ASTN2: variants seen among roughly 807,000 people sequenced by gnomAD.
ASTN2 encodes the protein astrotactin-2.
A neutral mutation model predicts 139.8 loss-of-function variants in ASTN2; 54 were observed. The ratio of observed to expected loss-of-function variants is 0.39; its 90% CI spans 0.31 to 0.48. The LOEUF (loss-of-function observed/expected upper bound fraction) is 0.48. Ranked by LOEUF, ASTN2 falls within the 20% of genes least tolerant of loss-of-function variation. ASTN2 has a pLI of 0.95. For missense variants in ASTN2, 1,565 were observed against 1,725.1 expected (o/e 0.91, Z 1.64); for synonymous variants, 756 against 719.5 (o/e 1.05, Z -0.81).
At chr9:116,705,999 AGTTTATATGACT>A (rs1827980034) in intron 16 of ASTN2, among the ~76,000 whole-genome samples, 1 of 151,890 alleles carries the variant, frequency 6.6e-6, no homozygotes, top group Admixed American at 6.6e-5. Flanking sequence ...TTTCTGCCCT[AGTTTATATGACT>A]TACTGCCAAC....
At chr9:117,336,833 T>A (rs1452163038) in intron 1 of ASTN2, among the ~76,000 whole-genome samples, 1 of 152,084 alleles carries the variant, frequency 6.6e-6, no homozygotes, top group Non-Finnish European at 1.5e-5. Context: ...CCTCAAAAGG[T>A]CCAGCACTCT....
intron 19 of ASTN2, among the ~76,000 whole-genome samples, chr9:116,600,023 T>A (rs1226259392): frequency 4.6e-5 from 7 of 152,096 alleles, no homozygotes; most frequent in Non-Finnish European, 8.8e-5. Flanking sequence ...AATGAACTTC[T>A]ATATTAAAGA....
intron 19 of ASTN2, among the ~76,000 whole-genome samples, chr9:116,587,579 T>G (rs184680036): frequency 6.6e-6 from 1 of 152,120 alleles, no homozygotes; most frequent in Admixed American, 6.5e-5. Context: ...GATAATGATA[T>G]AAGCTTCCAG....
In ASTN2 at chr9:116,699,845, CT is replaced by C. The variant is rs1861085932; in HGVS notation, c.2806+25925del. 1 of 1,138,976 alleles carries C rather than the reference CT, an allele frequency of 8.8e-7. No homozygotes were observed. The highest frequency in any genetic ancestry group is 1.5e-5 in the South Asian group (1 of 68,144). The allele number at this position is 1,138,976 out of a possible 1,614,324, so 70.6% of individuals were successfully genotyped here. On this transcript the variant is annotated intron_variant, in intron 16 of 22. Coordinates refer to ENST00000313400, the MANE Select transcript of ASTN2 (RefSeq NM_001365068.1). The surrounding 1 kb of genome is among the most constrained non-coding windows in gnomAD (Gnocchi z 4.2). ...AGTTCTAGAACTTCAGAAGCTCCAT[CT>C]TTTAATGTTTTTATTTGTTATGTCC... is the stretch of plus-strand genomic sequence containing the variant.
intron 20 of ASTN2, among the ~76,000 whole-genome samples, chr9:116,467,556 C>T (rs1299716140): frequency 6.6e-6 from 1 of 152,242 alleles, no homozygotes; most frequent in African/African-American, 2.4e-5. Context: ...TAAGCCACTG[C>T]ACCCGGCCGA....
intron 20 of ASTN2, among the ~76,000 whole-genome samples, chr9:116,454,333 A>G (rs1848262704): frequency 1.3e-5 from 2 of 152,150 alleles, no homozygotes; most frequent in South Asian, 4.1e-4. Context: ...AGAGATATCT[A>G]TTTTTACCCT....
intron 19 of ASTN2, among the ~76,000 whole-genome samples, chr9:116,572,592 C>T (rs375632904): frequency 2.7e-5 from 4 of 149,098 alleles, no homozygotes; most frequent in East Asian, 1.9e-4. Flanking sequence ...CTTCCCTGAC[C>T]GCCTACTTGG....
chr9:116,879,246 A>G (rs537266363), intron 10 of ASTN2, among the ~76,000 whole-genome samples: 3 of 152,204 alleles, frequency 2.0e-5, no homozygotes, highest in South Asian at 2.1e-4. Context: ...TCCAATTTCT[A>G]ATAACATAAT....
At chr9:116,658,234 G>T (rs973443417) in intron 16 of ASTN2, among the ~76,000 whole-genome samples, 4 of 152,122 alleles carry the variant, frequency 2.6e-5, no homozygotes, top group African/African-American at 9.7e-5. Context: ...GCCACTTGGA[G>T]AACTTGGATA....
intron 3 of ASTN2, among the ~76,000 whole-genome samples, chr9:117,179,420 G>A (rs184535204): frequency 7.9e-5 from 12 of 152,060 alleles, no homozygotes; most frequent in East Asian, 1.9e-4. Context: ...GCTTGTTGCC[G>A]TTTCCATCTC....
rs980310484 is a variant in ASTN2 at position 116,873,049 on chromosome 9, T to A, written c.1890-9316A>T. On this transcript the variant is annotated intron_variant, in intron 10 of 22. Transcript: ENST00000313400. ...ATCATAGATGAATAGTTTACACAAA[T>A]CCTTATGGCAATAATAGTTAATGCT... is the stretch of plus-strand genomic sequence containing the variant. Among the ~76,000 whole-genome samples, 17 of 152,316 alleles carry A rather than the reference T, an allele frequency of 1.1e-4. No homozygotes were observed. The East Asian group carries it at 3.1e-3, about 28-fold the overall frequency.
At chr9:117,108,893 A>C (rs1047841341) in intron 4 of ASTN2, among the ~76,000 whole-genome samples, 14 of 152,132 alleles carry the variant, frequency 9.2e-5, no homozygotes, top group Non-Finnish European at 1.5e-4. Context: ...TTCCCTTCAC[A>C]TATTGACCAT....
At chr9:116,888,396 T>C (rs1446041763) in intron 10 of ASTN2, among the ~76,000 whole-genome samples, 1 of 152,240 alleles carries the variant, frequency 6.6e-6, no homozygotes, top group Non-Finnish European at 1.5e-5. Context: ...ATGGTTTTAT[T>C]GAAACAGTGT....
chr9:117,250,625 C>G (rs1364678321), intron 2 of ASTN2, among the ~76,000 whole-genome samples: 1 of 152,176 alleles, frequency 6.6e-6, no homozygotes, highest in African/African-American at 2.4e-5. Context: ...CAAAAGTAAT[C>G]ATGGCTTTTG....
chr9:117,025,455 C>T (rs916172084), intron 6 of ASTN2, among the ~76,000 whole-genome samples: 11 of 152,050 alleles, frequency 7.2e-5, no homozygotes, highest in African/African-American at 2.7e-4. Context: ...TTTTTCAGGC[C>T]TCTGCTTCCA....
At position 116,941,800 on chromosome 9, in the gene ASTN2, A is replaced by C. The variant is rs143175994; in HGVS notation, c.1889+33408T>G. ...AGGCTGATCATTGTTTTTTCATTAC[A>C]ACAGCCTTACGCAGACCAAATGACC... On this transcript the variant is annotated intron_variant, in intron 10 of 22. Transcript: ENST00000313400. 7.2e-3 allele frequency among the ~76,000 whole-genome samples: 1,089 copies of C among 152,174 alleles called. 8 individuals are homozygous for C. Among genetic ancestry groups the C allele is most frequent in the Non-Finnish European group, 0.011 (777 of 67,984 alleles).
intron 10 of ASTN2, among the ~76,000 whole-genome samples, chr9:116,950,380 C>T (rs377639792): frequency 6.6e-6 from 1 of 151,740 alleles, no homozygotes; most frequent in African/African-American, 2.4e-5. Flanking sequence ...AATGAAGGAA[C>T]AGAAATGACA....
At chr9:116,860,651 C>T (rs1832852631) in intron 11 of ASTN2, among the ~76,000 whole-genome samples, 1 of 152,144 alleles carries the variant, frequency 6.6e-6, no homozygotes, top group Non-Finnish European at 1.5e-5. Flanking sequence ...GAAAGCAAGC[C>T]AAAGTGGCCC....
intron 3 of ASTN2, among the ~76,000 whole-genome samples, chr9:117,206,394 A>T (rs974816154): frequency 6.6e-6 from 1 of 152,186 alleles, no homozygotes; most frequent in Non-Finnish European, 1.5e-5. Context: ...CACAGTCCTC[A>T]CAAGCCCTGA....
Sources: gnomAD v4.1 joint callset for allele counts (sites outside exome capture counted in the v4.1 genomes callset) on GRCh38, gnomAD v4.1.1 for gene constraint, Gnocchi (gnomAD v3.1) non-coding constraint, MANE v1.5 for transcripts, NCBI Gene and HGNC (gene_info 2026-07-23, HGNC 2026-07-21) for gene names.